The following GPR89B variants were observed in gnomAD, a reference collection of about 807,000 sequenced individuals.
GPR89B encodes the protein G protein-coupled receptor 89B.
In GPR89B, 25 loss-of-function variants were observed where a neutral mutation model predicts 52.4. The observed-to-expected ratio is 0.48, with a 90% CI of 0.35 to 0.67. The LOEUF is 0.67. GPR89B is among the 30% of genes least tolerant of loss of function. The pLI is 0.01. For missense variants in GPR89B, 146 were observed against 450.2 expected (o/e 0.32, Z 6.11); for synonymous variants, 52 against 151.2 (o/e 0.34, Z 4.81).
chr1:147,990,641 G>A (rs1658994802), intron 12 of GPR89B, among the ~76,000 whole-genome samples: 1 of 152,044 alleles, frequency 6.6e-6, no homozygotes, highest in African/African-American at 2.4e-5. Flanking sequence ...TGTAAGGAAG[G>A]GATCCAGTTT....
At chr1:148,000,485 A>C in the GPR89B span, among the ~76,000 whole-genome samples, 1 of 152,154 alleles carries the variant, frequency 6.6e-6, no homozygotes, top group Non-Finnish European at 1.5e-5. Context: ...TTACAGGTCC[A>C]AGAATTTGGG....
At chr1:147,946,636 A>C (rs1231836155) in intron 5 of GPR89B, among the ~76,000 whole-genome samples, 6 of 152,044 alleles carry the variant, frequency 3.9e-5, no homozygotes, top group Non-Finnish European at 8.8e-5. Flanking sequence ...TCTCACATGC[A>C]CTACAAAGAC....
chr1:147,948,756 ATTTTTTT>A (rs199854363), intron 5 of GPR89B, among the ~76,000 whole-genome samples: 29 of 138,314 alleles, frequency 2.1e-4, no homozygotes, highest in South Asian at 4.7e-4. Flanking sequence ...AGATAAAATA[ATTTTTTT>A]TTTTTTTTTT....
chr1:147,931,485 C>T (rs1653601533), intron 1 of GPR89B, among the ~76,000 whole-genome samples: 2 of 151,786 alleles, frequency 1.3e-5, no homozygotes, highest in African/African-American at 2.4e-5. Context: ...CATTTTGCTT[C>T]TGCTTTCTTT....
the GPR89B span, among the ~76,000 whole-genome samples, chr1:148,021,545 G>A: frequency 2.0e-5 from 3 of 151,516 alleles, no homozygotes; most frequent in African/African-American, 7.3e-5. Context: ...CAGTGGTGGG[G>A]AACTGGGGCC....
At chr1:148,009,581 C>A in the GPR89B span, 1 of 1,503,980 alleles carries the variant, frequency 6.6e-7, no homozygotes. Flanking sequence ...TCTTTCTGAC[C>A]AGATCCACAA....
intron 3 of GPR89B, among the ~76,000 whole-genome samples, chr1:147,942,076 G>A (rs1356003876): frequency 2.6e-5 from 4 of 151,722 alleles, no homozygotes; most frequent in East Asian, 3.9e-4. Context: ...ATAATGGACT[G>A]GGACTCGTAT....
At chr1:148,019,443 G>T in the GPR89B span, among the ~76,000 whole-genome samples, 2 of 151,796 alleles carry the variant, frequency 1.3e-5, no homozygotes, top group Non-Finnish European at 2.9e-5. Flanking sequence ...TTGGGAGGAG[G>T]GAGAGCATCA....
Position 147,991,649 on chromosome 1 carries a change from A to C in GPR89B, c.1096-853A>C, listed in dbSNP as rs1221851258. Among the ~76,000 whole-genome samples the C allele has an allele frequency of 2.5e-3, 385 of 152,282 alleles. 3 individuals are homozygous for C. The highest frequency in any genetic ancestry group is 8.9e-3 in the African/African-American group (369 of 41,554). The stretch of plus-strand genomic sequence containing the variant: ...TCAATACCTAATTTATTGAGTTTTT[A>C]GCATGAAGGGCTGTTGAATTTTGTC... On this transcript the variant is annotated intron_variant, in intron 12 of 13. Coordinates refer to ENST00000314163, the MANE Select transcript of GPR89B (RefSeq NM_016334.5).
the GPR89B span, among the ~76,000 whole-genome samples, chr1:148,019,499 A>G: frequency 1.3e-5 from 2 of 151,918 alleles, no homozygotes; most frequent in African/African-American, 4.9e-5. Flanking sequence ...GAGTGATGGG[A>G]AGATCTGTGC....
the GPR89B span, among the ~76,000 whole-genome samples, chr1:148,009,093 C>G: frequency 6.6e-6 from 1 of 152,204 alleles, no homozygotes; most frequent in African/African-American, 2.4e-5. Flanking sequence ...GACAAACACT[C>G]AGGGACAGGA....
At chr1:148,004,305 C>G in the GPR89B span, among the ~76,000 whole-genome samples, 26 of 151,680 alleles carry the variant, frequency 1.7e-4, no homozygotes, top group Admixed American at 3.3e-4. Context: ...TACAGGCGCC[C>G]GCCACCGCAC....
the GPR89B span, among the ~76,000 whole-genome samples, chr1:148,006,747 T>C: frequency 2.6e-5 from 4 of 151,854 alleles, no homozygotes; most frequent in Admixed American, 6.6e-5. Context: ...GATGGAGTCT[T>C]GCTCTGTCAC....
the GPR89B span, among the ~76,000 whole-genome samples, chr1:148,017,172 G>T: frequency 6.6e-6 from 1 of 151,712 alleles, no homozygotes; most frequent in Non-Finnish European, 1.5e-5. Context: ...CTCCAGAGTA[G>T]CTGGGACTAC....
the GPR89B span, among the ~76,000 whole-genome samples, chr1:148,000,803 A>G: frequency 6.7e-6 from 1 of 148,806 alleles, no homozygotes; most frequent in African/African-American, 2.6e-5. Flanking sequence ...AAACAACAAC[A>G]AAAAAACCTT....
rs1401100541 is a variant in GPR89B, at chr1:147,988,861, CA to C, written c.1095+353del. ...CTGGTGAAAGAGCAACACTCCATCTCAAAAAAAAAAAAATAGGTGGTACCAT... is the reference window on the plus strand; with the variant it reads ...CTGGTGAAAGAGCAACACTCCATCTCAAAAAAAAAAAATAGGTGGTACCAT... On this transcript the variant is annotated intron_variant, in intron 12 of 13. Coordinates refer to ENST00000314163, the MANE Select transcript of GPR89B (RefSeq NM_016334.5). 4.1e-3 allele frequency among the ~76,000 whole-genome samples: 531 copies of C among 130,708 alleles called. 2 individuals are homozygous for C. Among genetic ancestry groups the C allele is most frequent in the African/African-American group, 0.011 (373 of 35,134 alleles). 85.7% of individuals were successfully genotyped at this position (130,708 alleles called of 152,430 possible).
intron 1 of GPR89B, among the ~76,000 whole-genome samples, chr1:147,933,207 C>T (rs1283441639): frequency 1.3e-5 from 2 of 150,980 alleles, no homozygotes; most frequent in African/African-American, 4.9e-5. Context: ...ACATTCTTCT[C>T]TAGCCTATTA....
At chr1:147,942,252 A>G (rs1329559652) in intron 3 of GPR89B, among the ~76,000 whole-genome samples, 2 of 151,292 alleles carry the variant, frequency 1.3e-5, no homozygotes, top group East Asian at 3.9e-4. Context: ...AATCAAAACC[A>G]CAATGAGATA....
At chr1:148,002,757 A>G in the GPR89B span, among the ~76,000 whole-genome samples, 1 of 152,088 alleles carries the variant, frequency 6.6e-6, no homozygotes, top group African/African-American at 2.4e-5. Context: ...CTACCTTTCC[A>G]ACGAATTCTT....
Sources: gnomAD v4.1 joint callset for allele counts (sites outside exome capture counted in the v4.1 genomes callset) on GRCh38, gnomAD v4.1.1 for gene constraint, MANE v1.5 for transcripts, NCBI Gene and HGNC (gene_info 2026-07-23, HGNC 2026-07-21) for gene names.